Variants in GTF3C5 observed in about 807,000 individuals in gnomAD.
GTF3C5 encodes general transcription factor IIIC subunit 5.
GTF3C5 carries 47 observed loss-of-function variants against 61.0 expected under a neutral mutation model. The ratio of observed to expected loss-of-function variants is 0.77; its 90% confidence interval spans 0.61 to 0.98. GTF3C5 has a LOEUF of 0.98. GTF3C5 is among the 50% of genes least tolerant of loss of function. The pLI, the probability that GTF3C5 is intolerant of heterozygous loss-of-function variation, is 0.00. For missense variants in GTF3C5, 659 were observed against 703.3 expected (o/e 0.94, Z 0.71); for synonymous variants, 295 against 275.4 (o/e 1.07, Z -0.71).
At chr9:133,052,266 A>G in intron 5 of GTF3C5, 102 bp downstream of exon 5, 1 of 623,334 alleles carries the variant, frequency 1.6e-6, no homozygotes, top group Non-Finnish European at 2.9e-6. Flanking sequence ...CCAACCCCCT[A>G]TCCTGGCTCC....
In GTF3C5 at chr9:133,058,177, G is replaced by A. The variant is rs1228042409; in HGVS notation, c.*197G>A. The A allele has an allele frequency of 3.6e-6, 5 of 1,406,822 alleles. No individual in the cohort carries two copies. The highest frequency in any genetic ancestry group is 4.6e-6 in the Non-Finnish European group (5 of 1,078,708). The allele number at this position is 1,406,822 out of a possible 1,614,324, so 87.1% of individuals were successfully genotyped here. On this transcript the variant is annotated 3_prime_UTR_variant, in exon 11 of 11. Transcript: ENST00000372097. ...GCTGCTTGGTGCTGCCTCTGGTCCT[G>A]AGGGGTTAGGGACATCCCCAAAGGG...
chr9:133,045,454 C>T (rs1208870787), intron 3 of GTF3C5, among the ~76,000 whole-genome samples: 2 of 152,176 alleles, frequency 1.3e-5, no homozygotes, highest in African/African-American at 4.8e-5. Context: ...TGGAAAAAAA[C>T]TTTGCATTGT....
chr9:133,045,931 C>T (rs1850189216), intron 3 of GTF3C5, among the ~76,000 whole-genome samples: 1 of 152,176 alleles, frequency 6.6e-6, no homozygotes, highest in Admixed American at 6.5e-5. Context: ...GCCACAGTGT[C>T]CAGCCCGAAA....
rs1564205531 is a variant in GTF3C5 at position 133,055,994 on chromosome 9, CT to C, written c.1168-17del. The C allele has an allele frequency of 1.9e-6, 3 of 1,613,886 alleles. No individual in the cohort carries two copies. In the Admixed American group the frequency reaches 5.0e-5, roughly 27 times the overall value. On this transcript the variant is annotated splice_polypyrimidine_tract_variant and intron_variant, in intron 8 of 10. Coordinates refer to ENST00000372097, the MANE Select transcript of GTF3C5 (RefSeq NM_012087.4). Reference sequence around the variant, plus strand: ...GCTCTGGCTCACCTTCCCTGTCTCTCTCCCCCTTTGTCACCAGGACTCTGTC... The same window carrying C: ...GCTCTGGCTCACCTTCCCTGTCTCTCCCCCCTTTGTCACCAGGACTCTGTC...
At chr9:133,057,120 C>G (rs910117752) in intron 10 of GTF3C5, among the ~76,000 whole-genome samples, 1 of 152,228 alleles carries the variant, frequency 6.6e-6, no homozygotes, top group Non-Finnish European at 1.5e-5. Context: ...CCGAGGCCCT[C>G]AGCCCTGCGG....
At chr9:133,052,672 C>G (rs1850421994) in intron 5 of GTF3C5, among the ~76,000 whole-genome samples, 1 of 152,150 alleles carries the variant, frequency 6.6e-6, no homozygotes, top group Non-Finnish European at 1.5e-5. Context: ...CTCCCCGCTG[C>G]CAGGCCTCAC....
intron 10 of GTF3C5, 35 bp downstream of exon 10, chr9:133,056,943 G>A: frequency 6.5e-7 from 1 of 1,541,306 alleles, no homozygotes; most frequent in Middle Eastern, 1.8e-4. Context: ...GGTCCAGGAT[G>A]CCTGGTGATC....
rs367573873 is a variant in GTF3C5 at position 133,043,684 on chromosome 9, A to G, written c.374-44A>G. The G allele has an allele frequency of 4.0e-6, 6 of 1,512,658 alleles. No individual in the cohort carries two copies. The African/African-American group carries it at 6.9e-5, about 17-fold the overall frequency. 93.7% of individuals were successfully genotyped at this position (1,512,658 alleles called of 1,614,324 possible). The stretch of plus-strand genomic sequence containing the variant: ...GGGTGTCGGTGTGTGGCAGCTGCCC[A>G]TTCCTGGACTCAATGTCTGCCATCT... On this transcript the variant is annotated intron_variant, in intron 2 of 10. Coordinates refer to ENST00000372097, the MANE Select transcript of GTF3C5 (RefSeq NM_012087.4).
At position 133,052,161 on chromosome 9, in the gene GTF3C5, C is replaced by T. The variant is rs1459755743; in HGVS notation, c.870C>T (p.Tyr290=). 1.9e-6 allele frequency: 3 copies of T among 1,552,672 alleles called. No homozygotes were observed. The highest frequency in any genetic ancestry group is 3.4e-5 in the Admixed American group (2 of 58,346). Residue 290 remains tyrosine, a synonymous_variant, in exon 5 of 11, where the codon TAC becomes TAT. Coordinates refer to ENST00000372097, the MANE Select transcript of GTF3C5 (RefSeq NM_012087.4). ...LKVLLPFIAY[Y]MITGPWRSLW... ...TCTTGCTTCCCTTCATAGCCTATTA[C>T]ATGGTAAGTGTCAGCTGCCCACCCA...
chr9:133,051,588 C>T (rs1485257893), intron 4 of GTF3C5, among the ~76,000 whole-genome samples: 4 of 152,220 alleles, frequency 2.6e-5, no homozygotes, highest in South Asian at 2.1e-4. Flanking sequence ...TGAATTGGCT[C>T]GTGAGGCCCG....
At chr9:133,045,813 T>C (rs1850185545) in intron 3 of GTF3C5, among the ~76,000 whole-genome samples, 1 of 152,070 alleles carries the variant, frequency 6.6e-6, no homozygotes, top group South Asian at 2.1e-4. Context: ...ATTTTTGTAT[T>C]TTTAGCAGAA....
chr9:133,056,847 C>T lies in GTF3C5; in HGVS notation c.1332C>T (p.Ser444=), dbSNP rs148556381. ...ERDGWCLPKT[S]DELRDTMSLM... is the part of the protein sequence containing the mutation. ...ATGGGTGGTGCCTCCCCAAGACCAGCGACGAGCTCAGGGACACCATGTCCC... is the reference window on the plus strand; with the variant it reads ...ATGGGTGGTGCCTCCCCAAGACCAGTGACGAGCTCAGGGACACCATGTCCC... Residue 444 remains serine (S), a synonymous_variant, in exon 10 of 11, where the codon AGC becomes AGT. Transcript: ENST00000372097. 8.7e-5 allele frequency: 141 copies of T among 1,611,966 alleles called. No homozygotes were observed. The highest frequency in any genetic ancestry group is 2.7e-4 in the Admixed American group (16 of 59,756).
At chr9:133,052,440 C>T (rs1219345159) in intron 5 of GTF3C5, among the ~76,000 whole-genome samples, 3 of 148,490 alleles carry the variant, frequency 2.0e-5, no homozygotes, top group African/African-American at 7.4e-5. Context: ...ATCCCTAAGA[C>T]AGCTTATTAA....
rs1453480720 is a variant in GTF3C5, at chr9:133,050,981, A to G, written c.768+3A>G. 1 of 1,601,066 alleles carries G rather than the reference A, an allele frequency of 6.2e-7. No homozygotes were observed. Among genetic ancestry groups the G allele is most frequent in the Non-Finnish European group, 8.5e-7 (1 of 1,174,098 alleles). ...AGGTGGAGGAGGAGCTGAGGAAGGCAAGTCCTGCGCTGCGCCTGGCCCCGG... is the reference window on the plus strand; with the variant it reads ...AGGTGGAGGAGGAGCTGAGGAAGGCGAGTCCTGCGCTGCGCCTGGCCCCGG... On this transcript the variant is annotated splice_donor_region_variant and intron_variant, in intron 4 of 10. Transcript: ENST00000372097.
At chr9:133,053,792 A>C in intron 5 of GTF3C5, 36 bp from the exon 6 acceptor site, 7 of 1,369,892 alleles carry the variant, frequency 5.1e-6, no homozygotes, top group Non-Finnish European at 7.3e-6. Context: ...CTGGGCCTTC[A>C]CCTCACCTCA....
chr9:133,057,709 C>T (rs551098994), intron 10 of GTF3C5, 105 bp from the exon 11 acceptor site: 73 of 1,084,984 alleles, frequency 6.7e-5, no homozygotes, highest in African/African-American at 4.1e-4. Flanking sequence ...AGCTCGAGCT[C>T]GGACCCTTAT....
In GTF3C5 at chr9:133,056,846, GCGA is replaced by G; in HGVS notation, c.1335_1337del (p.Asp445del). On this transcript the variant is annotated inframe_deletion, in exon 10 of 11. Transcript: ENST00000372097. The stretch of plus-strand genomic sequence containing the variant: ...GATGGGTGGTGCCTCCCCAAGACCA[GCGA>G]CGAGCTCAGGGACACCATGTCCCTC... 1.9e-6 allele frequency: 3 copies of G among 1,612,228 alleles called. No homozygotes were observed. Among genetic ancestry groups the G allele is most frequent in the Non-Finnish European group, 1.7e-6 (2 of 1,179,252 alleles).
chr9:133,049,014 G>A (rs1850291631), intron 3 of GTF3C5, among the ~76,000 whole-genome samples: 1 of 152,212 alleles, frequency 6.6e-6, no homozygotes, highest in Non-Finnish European at 1.5e-5. Context: ...CAAACCAGGT[G>A]GGCAAGCAGA....
At chr9:133,042,023 G>A (rs1850052754) in intron 1 of GTF3C5, 64 bp from the exon 2 acceptor site, 4 of 1,113,808 alleles carry the variant, frequency 3.6e-6, no homozygotes, top group Admixed American at 1.8e-5. Flanking sequence ...TGAGAGAGGA[G>A]CAGCTCCCCA....
Sources: gnomAD v4.1 joint callset for allele counts (sites outside exome capture counted in the v4.1 genomes callset) on GRCh38, gnomAD v4.1.1 for gene constraint, MANE v1.5 for transcripts, NCBI Gene and HGNC (gene_info 2026-07-23, HGNC 2026-07-21) for gene names.